Variants in CECR2 observed in about 807,000 individuals in gnomAD.
The protein encoded by CECR2 is chromatin remodeling regulator CECR2.
A neutral mutation model predicts 154.5 loss-of-function variants in CECR2; 30 were observed. That is an observed-to-expected ratio of 0.19 (90% CI 0.15 to 0.26). The LOEUF is 0.26. Ranked by LOEUF, CECR2 falls within the 10% of genes least tolerant of loss-of-function variation. CECR2 has a pLI of 1.00. For synonymous variants in CECR2, 725 were observed against 683.7 expected (o/e 1.06, Z -0.94); for missense variants, 1,743 against 1,829.3 (o/e 0.95, Z 0.86).
intron 2 of CECR2, among the ~76,000 whole-genome samples, chr22:17,489,279 A>G (rs7288509): frequency 0.17 from 26,559 of 152,098 alleles, 2,396 homozygotes; most frequent in Non-Finnish European, 0.19. Context: ...TAATTTTACT[A>G]ATCCTATTGT....
chr22:17,520,397 G>GTT (rs940848635), intron 8 of CECR2, among the ~76,000 whole-genome samples: 2 of 147,944 alleles, frequency 1.4e-5, no homozygotes, highest in African/African-American at 4.9e-5. Flanking sequence ...CAAGGCTCAG[G>GTT]TTTTTTTTTT....
intron 9 of CECR2, among the ~76,000 whole-genome samples, chr22:17,526,537 G>A (rs746510403): frequency 1.6e-4 from 25 of 152,104 alleles, no homozygotes; most frequent in Non-Finnish European, 3.1e-4. Context: ...AAGGCCGGGC[G>A]TGACGACTTA....
chr22:17,412,264 T>C (rs1251605400), intron 1 of CECR2, among the ~76,000 whole-genome samples: 1 of 152,152 alleles, frequency 6.6e-6, no homozygotes, highest in East Asian at 1.9e-4. Context: ...ATTTGTTGAG[T>C]CTGGTTCGCA....
chr22:17,538,934 T>C (rs965201442), intron 12 of CECR2, 59 bp from the exon 13 acceptor site: 15 of 1,571,046 alleles, frequency 9.5e-6, no homozygotes, highest in Non-Finnish European at 1.3e-5. Context: ...TCTCTCTCTC[T>C]CTATGGAATG....
intron 1 of CECR2, among the ~76,000 whole-genome samples, chr22:17,379,155 C>G (rs2063155626): frequency 6.6e-6 from 1 of 152,132 alleles, no homozygotes; most frequent in Non-Finnish European, 1.5e-5. Flanking sequence ...CAGGGTTTCA[C>G]CATCTTGGTC....
chr22:17,505,814 G>C (rs2055832375), intron 7 of CECR2, among the ~76,000 whole-genome samples: 1 of 146,792 alleles, frequency 6.8e-6, no homozygotes, highest in South Asian at 2.1e-4. Context: ...TGGGATTACA[G>C]GTGTGAGCCA....
At position 17,549,127 on chromosome 22, in the gene CECR2, A is replaced by G. The variant is rs1436259912; in HGVS notation, c.3840A>G (p.Glu1280=). The G allele has an allele frequency of 3.7e-6, 6 of 1,613,626 alleles. No homozygotes were observed. Among genetic ancestry groups the G allele is most frequent in the African/African-American group, 1.3e-5 (1 of 74,940 alleles). The change falls in exon 17 of 19, where the codon GAA becomes GAG. Residue 1280 remains glutamate, a synonymous_variant. Transcript: ENST00000262608. ...PNDGQNPGPE[E]EKLDESMERP... is the part of the protein sequence containing the mutation. ...ACGGGCAGAATCCTGGTCCAGAGGA[A>G]GAGAAGCTGGATGAATCTATGGAGA...
chr22:17,459,448 C>T (rs1003272890), intron 1 of CECR2, among the ~76,000 whole-genome samples: 9 of 152,036 alleles, frequency 5.9e-5, no homozygotes, highest in Non-Finnish European at 8.8e-5. Context: ...AGCGCCACAA[C>T]GCCCAGCCAA....
At chr22:17,408,930 G>T (rs1047749876) in intron 1 of CECR2, among the ~76,000 whole-genome samples, 2 of 151,946 alleles carry the variant, frequency 1.3e-5, no homozygotes, top group South Asian at 2.1e-4. Context: ...TCCTTACCTC[G>T]TACCATTCTC....
rs765541854 is a variant in CECR2, at chr22:17,553,213, A to G, written c.*373A>G. On this transcript the variant is annotated 3_prime_UTR_variant, in exon 19 of 19. Coordinates refer to ENST00000262608, the MANE Select transcript of CECR2 (RefSeq NM_001290047.2). ...GGAGTGGTGCTTTTAAACTTTGATG[A>G]GCAGCTAAACTCAGGTATATATTTG... The G allele has an allele frequency of 2.1e-5, 4 of 195,076 alleles. No individual in the cohort carries two copies. The highest frequency in any genetic ancestry group is 3.1e-5 in the Non-Finnish European group (3 of 96,448). 12.1% of individuals were successfully genotyped at this position (195,076 alleles called of 1,614,324 possible).
chr22:17,542,300 G>C lies in CECR2; in HGVS notation c.2157G>C (p.Gln719His). The change falls in exon 16 of 19, where the codon CAG (glutamine) becomes CAC (histidine). Residue 719 changes from glutamine (Q) to histidine (H), a missense_variant. Coordinates refer to ENST00000262608, the MANE Select transcript of CECR2 (RefSeq NM_001290047.2). ...TTGGGCAGATAAGTGGCCCAAGTCA[G>C]GATGGAAGCATGTATGCTCCAGCTC... ...LQLGQISGPS[Q>H]DGSMYAPAQF... 1 of 1,612,106 alleles carries C rather than the reference G, an allele frequency of 6.2e-7. No individual in the cohort carries two copies. The highest frequency in any genetic ancestry group is 8.5e-7 in the Non-Finnish European group (1 of 1,179,098).
intron 2 of CECR2, among the ~76,000 whole-genome samples, chr22:17,486,561 C>T (rs916862242): frequency 2.6e-5 from 4 of 152,234 alleles, no homozygotes; most frequent in South Asian, 4.1e-4. Flanking sequence ...GCTGGGAACG[C>T]GGGTGGCCTT....
chr22:17,434,278 C>T (rs1214023824), intron 1 of CECR2, among the ~76,000 whole-genome samples: 3 of 152,146 alleles, frequency 2.0e-5, no homozygotes, highest in Non-Finnish European at 4.4e-5. Flanking sequence ...TGAACGAAGG[C>T]GAGGAAGGAT....
upstream of CECR2, among the ~76,000 whole-genome samples, chr22:17,367,207 T>G (rs5747076): frequency 0.023 from 3,510 of 152,136 alleles, 182 homozygotes; most frequent in East Asian, 0.23. Flanking sequence ...TAAACGACAT[T>G]AAACACACTA....
intron 1 of CECR2, among the ~76,000 whole-genome samples, chr22:17,438,145 C>G (rs373824399): frequency 1.1e-4 from 16 of 152,286 alleles, no homozygotes; most frequent in African/African-American, 3.8e-4. Flanking sequence ...TATCATAATG[C>G]ATTGTAAAGT....
intron 7 of CECR2, among the ~76,000 whole-genome samples, chr22:17,507,640 G>T (rs1364286287): frequency 6.6e-6 from 1 of 152,120 alleles, no homozygotes; most frequent in Admixed American, 6.5e-5. Context: ...TGATGATTTT[G>T]ATTAAAAATT....
At chr22:17,379,264 AT>A (rs113780458) in intron 1 of CECR2, among the ~76,000 whole-genome samples, 5 of 152,108 alleles carry the variant, frequency 3.3e-5, no homozygotes, top group African/African-American at 1.2e-4. Context: ...GGCATTGTTA[AT>A]TTTTTTCTCT....
At chr22:17,493,894 G>C (rs911955923) in intron 2 of CECR2, among the ~76,000 whole-genome samples, 2 of 152,180 alleles carry the variant, frequency 1.3e-5, no homozygotes, top group African/African-American at 2.4e-5. Flanking sequence ...CTATTCTGGT[G>C]AAATGATACA....
At position 17,492,564 on chromosome 22, in the gene CECR2, TC is replaced by T. The variant is rs536400418; in HGVS notation, c.222-4838del. On this transcript the variant is annotated intron_variant, in intron 2 of 18. Coordinates refer to ENST00000262608, the MANE Select transcript of CECR2 (RefSeq NM_001290047.2). Reference sequence around the variant, plus strand: ...GTTGTTGACTCATTCTTATTTTCACTCTTTCTTGCTCTTTCACTCATAGAGG... The same window carrying T: ...GTTGTTGACTCATTCTTATTTTCACTTTTCTTGCTCTTTCACTCATAGAGG... 7.0e-4 allele frequency among the ~76,000 whole-genome samples: 106 copies of T among 152,254 alleles called. 1 individual carries two copies. The highest frequency in any genetic ancestry group is 2.5e-3 in the African/African-American group (104 of 41,544).
Sources: gnomAD v4.1 joint callset for allele counts (sites outside exome capture counted in the v4.1 genomes callset) on GRCh38, gnomAD v4.1.1 for gene constraint, MANE v1.5 for transcripts, NCBI Gene and HGNC (gene_info 2026-07-23, HGNC 2026-07-21) for gene names.